The following ELMO1 variants were observed in gnomAD, a reference collection of about 807,000 sequenced individuals.
ELMO1 encodes engulfment and cell motility 1, also known as engulfment and cell motility protein 1.
ELMO1 carries 26 observed loss-of-function variants against 98.9 expected under a neutral mutation model. The ratio of observed to expected loss-of-function variants is 0.26; its 90% CI spans 0.19 to 0.36. ELMO1 has a LOEUF of 0.36. Ranked by LOEUF, ELMO1 falls within the 10% of genes least tolerant of loss-of-function variation. ELMO1 has a pLI of 1.00. For synonymous variants in ELMO1, 346 were observed against 346.0 expected (o/e 1.00, Z 0.00); for missense variants, 627 against 935.2 (o/e 0.67, Z 4.30).
intron 1 of ELMO1, among the ~76,000 whole-genome samples, chr7:37,355,025 T>C (rs567009297): frequency 9.8e-5 from 15 of 152,312 alleles, no homozygotes; most frequent in African/African-American, 3.1e-4. Context: ...TACACAGAAT[T>C]AGTCATTCTG....
Position 37,401,393 on chromosome 7 carries a change from T to C in ELMO1, c.-74+47282A>G, listed in dbSNP as rs1428816422. Among the ~76,000 whole-genome samples, 2 of 152,146 alleles carry C rather than the reference T, an allele frequency of 1.3e-5. 1 individual carries two copies. The highest frequency in any genetic ancestry group is 2.9e-5 in the Non-Finnish European group (2 of 68,018). On this transcript the variant is annotated intron_variant, in intron 1 of 21. Coordinates refer to ENST00000310758, the MANE Select transcript of ELMO1 (RefSeq NM_014800.11). The stretch of plus-strand genomic sequence containing the variant: ...CTCACCCCTTTTCTCCTAAAGCAGA[T>C]CATAAAATCGAGGAAGGATTTTCTG...
At chr7:36,998,100 A>G (rs1792355902) in intron 16 of ELMO1, among the ~76,000 whole-genome samples, 2 of 151,744 alleles carry the variant, frequency 1.3e-5, no homozygotes, top group South Asian at 4.2e-4. Context: ...TGATTTTGGT[A>G]TATTTTTAGG....
intron 15 of ELMO1, among the ~76,000 whole-genome samples, chr7:37,044,762 C>G (rs1795706728): frequency 6.6e-6 from 1 of 152,238 alleles, no homozygotes; most frequent in African/African-American, 2.4e-5. Context: ...ATTCTCATGT[C>G]TCACAGAAAT....
At chr7:37,402,825 C>T (rs574142219) in intron 1 of ELMO1, among the ~76,000 whole-genome samples, 43 of 152,282 alleles carry the variant, frequency 2.8e-4, no homozygotes, top group African/African-American at 1.0e-3. Context: ...TCCCAAACTA[C>T]AGTCACATGG....
At chr7:37,054,100 A>G (rs1324930081) in intron 15 of ELMO1, among the ~76,000 whole-genome samples, 1 of 152,200 alleles carries the variant, frequency 6.6e-6, no homozygotes, top group East Asian at 1.9e-4. Flanking sequence ...AAATCTGTAA[A>G]CATGTCCTTA....
intron 13 of ELMO1, among the ~76,000 whole-genome samples, chr7:37,147,000 GCTT>G (rs1310261854): frequency 2.0e-5 from 3 of 152,148 alleles, no homozygotes; most frequent in Non-Finnish European, 4.4e-5. Flanking sequence ...CAATTCTGCA[GCTT>G]TTTTCCCCTT....
chr7:37,338,428 C>T (rs1227067490), intron 2 of ELMO1, among the ~76,000 whole-genome samples: 2 of 152,148 alleles, frequency 1.3e-5, no homozygotes, highest in Non-Finnish European at 2.9e-5. Context: ...GGAACAAGCC[C>T]TCATCACACA....
At chr7:37,272,872 G>A (rs1156657946) in intron 4 of ELMO1, among the ~76,000 whole-genome samples, 4 of 152,168 alleles carry the variant, frequency 2.6e-5, no homozygotes, top group Non-Finnish European at 4.4e-5. Flanking sequence ...GCTGGGGGAG[G>A]GAGGGAATGG....
At chr7:37,085,205 G>T (rs1783695553) in intron 15 of ELMO1, among the ~76,000 whole-genome samples, 2 of 152,172 alleles carry the variant, frequency 1.3e-5, no homozygotes, top group Admixed American at 1.3e-4. Context: ...GCATTCTAGA[G>T]CTTTCTGTCC....
intron 13 of ELMO1, among the ~76,000 whole-genome samples, chr7:37,164,328 G>A (rs1048676842): frequency 3.6e-4 from 55 of 152,178 alleles, no homozygotes; most frequent in African/African-American, 1.2e-3. Context: ...CTGTGCAGAA[G>A]CTCTTTAGTT....
rs1476705859 is a variant in ELMO1, at chr7:36,863,196, C to T, written c.1906-1460G>A. 2.0e-5 allele frequency among the ~76,000 whole-genome samples: 3 copies of T among 152,150 alleles called. No homozygotes were observed. The East Asian group carries it at 5.8e-4, about 29-fold the overall frequency. ...ACAAGCGAAGGAAAGAATGCTGAGT[C>T]GTGGAATGGGAGCTATTCTGCAAAA... On this transcript the variant is annotated intron_variant, in intron 20 of 21. Transcript: ENST00000310758.
chr7:36,912,720 G>A (rs770401491), intron 16 of ELMO1, among the ~76,000 whole-genome samples: 3 of 152,096 alleles, frequency 2.0e-5, no homozygotes, highest in Admixed American at 6.6e-5. Flanking sequence ...AATAGCATGA[G>A]TATTGGAACA....
intron 13 of ELMO1, among the ~76,000 whole-genome samples, chr7:37,157,743 A>G (rs1788895854): frequency 6.6e-6 from 1 of 152,146 alleles, no homozygotes; most frequent in South Asian, 2.1e-4. Context: ...GGTAATTTAT[A>G]GATTCAATGC....
At chr7:36,875,195 T>C (rs1229062765) in intron 19 of ELMO1, among the ~76,000 whole-genome samples, 2 of 152,306 alleles carry the variant, frequency 1.3e-5, no homozygotes, top group East Asian at 3.9e-4. Context: ...CCAGGCAGAA[T>C]GCAGAATTGG....
intron 16 of ELMO1, among the ~76,000 whole-genome samples, chr7:37,001,588 T>C (rs533313031): frequency 1.4e-3 from 216 of 152,316 alleles, no homozygotes; most frequent in African/African-American, 4.8e-3. Context: ...GGAGTAGACA[T>C]ACAAAATTTC....
intron 13 of ELMO1, among the ~76,000 whole-genome samples, chr7:37,170,615 C>CTTTT (rs543000463): frequency 3.6e-5 from 5 of 137,920 alleles, no homozygotes; most frequent in Non-Finnish European, 7.8e-5. Context: ...TCCTTGCTTG[C>CTTTT]TTTTTTTTTT....
intron 4 of ELMO1, among the ~76,000 whole-genome samples, chr7:37,314,577 C>A (rs1271733782): frequency 3.9e-5 from 6 of 152,124 alleles, no homozygotes; most frequent in African/African-American, 7.2e-5. Context: ...CAAATAAATT[C>A]TTTAACCAAG....
At chr7:36,998,793 G>T (rs1174610514) in intron 16 of ELMO1, among the ~76,000 whole-genome samples, 2 of 151,886 alleles carry the variant, frequency 1.3e-5, no homozygotes, top group African/African-American at 2.4e-5. Flanking sequence ...CTCTTCTTTT[G>T]CTCAGTTATA....
chr7:37,180,812 GCA>G (rs1008521407), intron 13 of ELMO1, among the ~76,000 whole-genome samples: 15 of 51,048 alleles, frequency 2.9e-4, no homozygotes, highest in East Asian at 2.5e-3. Context: ...ACACATATGC[GCA>G]CACACACACA....
Sources: gnomAD v4.1 joint callset for allele counts (sites outside exome capture counted in the v4.1 genomes callset) on GRCh38, gnomAD v4.1.1 for gene constraint, MANE v1.5 for transcripts, NCBI Gene and HGNC (gene_info 2026-07-23, HGNC 2026-07-21) for gene names.